BLK: variants seen among roughly 807,000 people sequenced by gnomAD.
BLK encodes the protein BLK proto-oncogene, Src family tyrosine kinase.
In BLK, 64 loss-of-function variants were observed where a neutral mutation model predicts 61.8. That is an observed-to-expected ratio of 1.03 (90% confidence interval 0.85 to 1.27). The LOEUF is 1.27. BLK is among the 50% of genes most tolerant of loss of function. BLK has a pLI of 0.00. For synonymous variants in BLK, 351 were observed against 272.0 expected (o/e 1.29, Z -2.86); for missense variants, 853 against 660.5 (o/e 1.29, Z -3.19).
chr8:11,562,978 G>A lies in BLK; in HGVS notation c.1181-1G>A, dbSNP rs922956428. 6.2e-7 allele frequency: 1 copy of A among 1,613,936 alleles called. No individual in the cohort carries two copies. Among genetic ancestry groups the A allele is most frequent in the African/African-American group, 1.3e-5 (1 of 74,950 alleles). On this transcript the variant is annotated splice_acceptor_variant, in intron 11 of 12. Transcript: ENST00000259089. LOFTEE classifies it high-confidence loss of function. ...CAAAGCTTGCATGGCTTTTCCCACA[G>A]GGGCCAAGTTCCCCATCAAGTGGAC...
chr8:11,523,306 C>G (rs1383854982), intron 1 of BLK, among the ~76,000 whole-genome samples: 1 of 152,298 alleles, frequency 6.6e-6, no homozygotes, highest in East Asian at 1.9e-4. Context: ...GTAATCCCAG[C>G]ACTTTGAGAG....
chr8:11,531,989 G>C (rs1303276335), intron 1 of BLK, among the ~76,000 whole-genome samples: 2 of 152,016 alleles, frequency 1.3e-5, no homozygotes, highest in Non-Finnish European at 2.9e-5. Flanking sequence ...CTCCCAAGTA[G>C]CTGTGATTAC....
At position 11,556,766 on chromosome 8, in the gene BLK, A is replaced by T. The variant is rs1333039646; in HGVS notation, c.881A>T (p.Glu294Val). ...AACGTGATGAAGGCTCTGCAGCACGAGCGGCTGGTCCGACTCTACGCAGTG... is the reference window on the plus strand; with the variant it reads ...AACGTGATGAAGGCTCTGCAGCACGTGCGGCTGGTCCGACTCTACGCAGTG... ...EANVMKALQH[E>V]RLVRLYAVVT... The change falls in exon 9 of 13, where the codon GAG (glutamate) becomes GTG (valine). Residue 294 changes from glutamate to valine, a missense_variant. By Grantham distance (121) the Glu-to-Val change is moderately radical. Transcript: ENST00000259089. 1.2e-6 allele frequency: 2 copies of T among 1,614,066 alleles called. No individual in the cohort carries two copies. The highest frequency in any genetic ancestry group is 2.7e-5 in the African/African-American group (2 of 74,910).
intron 9 of BLK, 104 bp downstream of exon 9, chr8:11,556,941 T>G (rs757553738): frequency 8.0e-7 from 1 of 1,253,170 alleles, no homozygotes. Flanking sequence ...CAGGGGGTCC[T>G]GCAGATCTAG....
At chr8:11,506,150 C>T (rs189481465) in intron 1 of BLK, among the ~76,000 whole-genome samples, 12 of 152,316 alleles carry the variant, frequency 7.9e-5, no homozygotes, top group Admixed American at 7.8e-4. Flanking sequence ...TGAGGTCACG[C>T]AGAAGGTTAC....
At chr8:11,525,745 G>T (rs185825954) in intron 1 of BLK, among the ~76,000 whole-genome samples, 10 of 152,212 alleles carry the variant, frequency 6.6e-5, no homozygotes, top group African/African-American at 1.7e-4. Context: ...CTTTTGTGGG[G>T]TTTTTTGTTT....
At chr8:11,512,035 T>A (rs937625697) in intron 1 of BLK, among the ~76,000 whole-genome samples, 1 of 152,232 alleles carries the variant, frequency 6.6e-6, no homozygotes, top group Non-Finnish European at 1.5e-5. Flanking sequence ...ATGTCTACAA[T>A]GTATCAAGTG....
intron 1 of BLK, among the ~76,000 whole-genome samples, chr8:11,514,111 C>T (rs1242575811): frequency 6.6e-6 from 1 of 152,116 alleles, no homozygotes; most frequent in East Asian, 1.9e-4. Flanking sequence ...TTTTGGTATC[C>T]CAGGAAATGA....
In BLK at chr8:11,563,976, C is replaced by T. The variant is rs780300190; in HGVS notation, c.1386C>T (p.Pro462=). The T allele has an allele frequency of 1.2e-6, 2 of 1,606,138 alleles. No homozygotes were observed. Among genetic ancestry groups the T allele is most frequent in the South Asian group, 1.1e-5 (1 of 90,968 alleles). The stretch of plus-strand genomic sequence containing the variant: ...TGCCGCGCCCCGACACCTGCCCGCC[C>T]GAGCTGTACCGCGGCGTCATCGCCG... ...YRMPRPDTCP[P]ELYRGVIAEC... is the part of the protein sequence containing the mutation. Residue 462 remains proline (P), a synonymous_variant, in exon 13 of 13, where the codon CCC becomes CCT. Transcript: ENST00000259089.
intron 1 of BLK, among the ~76,000 whole-genome samples, chr8:11,503,462 C>G (rs909039404): frequency 1.3e-5 from 2 of 152,174 alleles, no homozygotes; most frequent in African/African-American, 4.8e-5. Flanking sequence ...GCTTTGTCAC[C>G]TGCCCCTGTG....
At chr8:11,494,823 C>G (rs192958001) in intron 1 of BLK, among the ~76,000 whole-genome samples, 46 of 152,304 alleles carry the variant, frequency 3.0e-4, no homozygotes, top group Admixed American at 1.4e-3. Flanking sequence ...AGGGTAGATT[C>G]TGCTTTTTGG....
intron 4 of BLK, among the ~76,000 whole-genome samples, chr8:11,548,547 T>C (rs1459892293): frequency 1.3e-5 from 2 of 152,322 alleles, no homozygotes; most frequent in East Asian, 3.9e-4. Context: ...TCATTTCCCA[T>C]GTCCTTCTCA....
intron 1 of BLK, among the ~76,000 whole-genome samples, chr8:11,521,173 G>A (rs1799432252): frequency 6.6e-6 from 1 of 152,010 alleles, no homozygotes; most frequent in African/African-American, 2.4e-5. Context: ...TAAGAAAAAT[G>A]GCTTTTAAAA....
chr8:11,558,756 A>C (rs573040458), intron 10 of BLK: 42 of 456,080 alleles, frequency 9.2e-5, no homozygotes, highest in African/African-American at 8.0e-4. Flanking sequence ...CCCTGTTAAA[A>C]CTGGAACTCT....
At chr8:11,503,936 C>G (rs940671235) in intron 1 of BLK, among the ~76,000 whole-genome samples, 9 of 152,144 alleles carry the variant, frequency 5.9e-5, no homozygotes, top group African/African-American at 1.7e-4. Flanking sequence ...TCAAAACTAC[C>G]CCCAGAGAGG....
chr8:11,557,819 A>C (rs1411290364), intron 9 of BLK, 143 bp from the exon 10 acceptor site: 3 of 711,978 alleles, frequency 4.2e-6, no homozygotes, highest in Non-Finnish European at 7.6e-6. Context: ...CAGTAGGTAG[A>C]TCCTTCCTGA....
intron 1 of BLK, among the ~76,000 whole-genome samples, chr8:11,511,265 G>A (rs138720382): frequency 1.3e-5 from 2 of 152,280 alleles, no homozygotes; most frequent in East Asian, 3.9e-4. Flanking sequence ...GACACAGGAA[G>A]GGGAACATCA....
rs1211465255 is a variant in BLK, at chr8:11,556,856, C to T, written c.952+19C>T. The T allele has an allele frequency of 3.1e-6, 5 of 1,612,692 alleles. No individual in the cohort carries two copies. Among genetic ancestry groups the T allele is most frequent in the Non-Finnish European group, 4.2e-6 (5 of 1,179,208 alleles). On this transcript the variant is annotated intron_variant, in intron 9 of 12. Transcript: ENST00000259089. Reference sequence around the variant, plus strand: ...GCCAGAGGTGGTGCCCCCCGCAGAGCCGCATCCTCAGAGCGAGGCGGGAGG... The same window carrying T: ...GCCAGAGGTGGTGCCCCCCGCAGAGTCGCATCCTCAGAGCGAGGCGGGAGG...
chr8:11,532,858 C>T (rs1439184418), intron 1 of BLK, among the ~76,000 whole-genome samples: 1 of 152,212 alleles, frequency 6.6e-6, no homozygotes, highest in Non-Finnish European at 1.5e-5. Context: ...GAGTGTCACA[C>T]TTGCATGTGG....
Sources: allele counts gnomAD v4.1 joint callset (sites outside exome capture counted in the v4.1 genomes callset), GRCh38; gene constraint gnomAD v4.1.1; transcripts MANE v1.5; gene names NCBI Gene and HGNC (gene_info 2026-07-23, HGNC 2026-07-21).